MEGF11: variants seen among roughly 807,000 people sequenced by gnomAD.
MEGF11 encodes the protein multiple epidermal growth factor-like domains protein 11.
In MEGF11, 126 loss-of-function variants were observed where a neutral mutation model predicts 146.6. The observed-to-expected ratio is 0.86, with a 90% CI of 0.74 to 1.00. MEGF11 has a LOEUF of 1.00. Ranked by LOEUF, MEGF11 falls within the 50% of genes least tolerant of loss-of-function variation. The probability of loss-of-function intolerance (pLI) is 0.00; values close to 1 mark genes in which losing one functional copy is unlikely to be tolerated. For synonymous variants in MEGF11, 532 were observed against 583.4 expected (o/e 0.91, Z 1.27); for missense variants, 1,509 against 1,521.2 (o/e 0.99, Z 0.13).
At chr15:66,046,616 G>C (rs1445681460) in intron 5 of MEGF11, among the ~76,000 whole-genome samples, 1 of 152,212 alleles carries the variant, frequency 6.6e-6, no homozygotes, top group East Asian at 1.9e-4. Flanking sequence ...GAGTGCCGGG[G>C]CCAAGGGGGC....
intron 5 of MEGF11, among the ~76,000 whole-genome samples, chr15:66,012,803 C>T (rs777589686): frequency 5.9e-5 from 9 of 152,226 alleles, no homozygotes; most frequent in East Asian, 1.9e-4. Context: ...CAGGCAGCAG[C>T]GCTTCCCCTA....
intron 5 of MEGF11, among the ~76,000 whole-genome samples, chr15:66,038,400 A>G (rs1228346374): frequency 6.6e-6 from 1 of 152,054 alleles, no homozygotes; most frequent in East Asian, 1.9e-4. Context: ...AAATCGAGGG[A>G]TGGTTAAGGG....
intron 1 of MEGF11, among the ~76,000 whole-genome samples, chr15:66,153,782 G>T (rs910125358): frequency 1.3e-5 from 2 of 151,990 alleles, no homozygotes; most frequent in Non-Finnish European, 2.9e-5. Context: ...TCCAGCTTTG[G>T]GTCTGTCTTC....
At chr15:65,945,175 C>T (rs935477960) in intron 10 of MEGF11, among the ~76,000 whole-genome samples, 14 of 152,218 alleles carry the variant, frequency 9.2e-5, no homozygotes, top group Non-Finnish European at 1.9e-4. Flanking sequence ...GGATTGCAGG[C>T]GTGAGCCACC....
At chr15:66,051,932 G>C (rs1567219245) in intron 5 of MEGF11, among the ~76,000 whole-genome samples, 2 of 152,202 alleles carry the variant, frequency 1.3e-5, no homozygotes, top group African/African-American at 4.8e-5. Flanking sequence ...CATGTTTGCT[G>C]TTTTTTCAGC....
At chr15:66,209,166 C>T (rs796807345) in intron 1 of MEGF11, among the ~76,000 whole-genome samples, 9 of 151,976 alleles carry the variant, frequency 5.9e-5, no homozygotes, top group African/African-American at 1.4e-4. Context: ...CTGGCTAACA[C>T]GGTGAAACCC....
intron 5 of MEGF11, among the ~76,000 whole-genome samples, chr15:66,091,627 A>G (rs1379620386): frequency 2.0e-5 from 3 of 152,220 alleles, no homozygotes; most frequent in African/African-American, 7.2e-5. Flanking sequence ...GGGATAAATA[A>G]CAATTCCCAT....
At chr15:66,040,790 G>C (rs565145266) in intron 5 of MEGF11, among the ~76,000 whole-genome samples, 10 of 152,272 alleles carry the variant, frequency 6.6e-5, no homozygotes, top group African/African-American at 2.2e-4. Context: ...CCAGGGAACA[G>C]GAACACCATG....
chr15:65,963,645 C>T (rs954218601), intron 9 of MEGF11, among the ~76,000 whole-genome samples: 18 of 152,306 alleles, frequency 1.2e-4, no homozygotes, highest in Non-Finnish European at 2.2e-4. Context: ...GCCCTGTGGG[C>T]GCTCAGTGTT....
intron 5 of MEGF11, among the ~76,000 whole-genome samples, chr15:66,046,678 T>C (rs1165113748): frequency 6.6e-6 from 1 of 152,188 alleles, no homozygotes; most frequent in Admixed American, 6.5e-5. Flanking sequence ...GCAGACACCG[T>C]GCCCACTTCT....
At chr15:66,000,661 A>G in intron 5 of MEGF11, among the ~76,000 whole-genome samples, 1 of 152,232 alleles carries the variant, frequency 6.6e-6, no homozygotes, top group East Asian at 1.9e-4. Context: ...TTGTTGATTC[A>G]GTGAATAATT....
At chr15:65,974,125 A>C (rs1596937761) in intron 7 of MEGF11, among the ~76,000 whole-genome samples, 1 of 152,216 alleles carries the variant, frequency 6.6e-6, no homozygotes, top group East Asian at 1.9e-4. Context: ...ATAATCACCA[A>C]CCCTGCAGAA....
At chr15:65,945,494 G>C (rs2080156417) in intron 10 of MEGF11, among the ~76,000 whole-genome samples, 1 of 152,180 alleles carries the variant, frequency 6.6e-6, no homozygotes, top group African/African-American at 2.4e-5. Context: ...CTCAGCCCTG[G>C]GCTGGGGAGT....
At chr15:65,904,501 G>A (rs185468901) in intron 24 of MEGF11, among the ~76,000 whole-genome samples, 33 of 152,244 alleles carry the variant, frequency 2.2e-4, no homozygotes, top group Admixed American at 6.5e-4. Flanking sequence ...CAGCCTTATC[G>A]CTGTCTTGTT....
At chr15:66,160,768 T>C (rs764681740) in intron 1 of MEGF11, among the ~76,000 whole-genome samples, 38 of 151,794 alleles carry the variant, frequency 2.5e-4, no homozygotes, top group Non-Finnish European at 4.7e-4. Context: ...AAGAGGTGAT[T>C]AAGAACATAA....
chr15:65,964,215 A>G (rs2080973947), intron 9 of MEGF11, among the ~76,000 whole-genome samples: 1 of 152,196 alleles, frequency 6.6e-6, no homozygotes, highest in Non-Finnish European at 1.5e-5. Flanking sequence ...CTGCCTTCAC[A>G]GGTTCAGGCT....
intron 1 of MEGF11, among the ~76,000 whole-genome samples, chr15:66,145,536 AC>A (rs947836308): frequency 6.6e-6 from 1 of 152,138 alleles, no homozygotes; most frequent in Non-Finnish European, 1.5e-5. Context: ...AGGTGCATAG[AC>A]TAGGACCTGG....
intron 1 of MEGF11, among the ~76,000 whole-genome samples, chr15:66,135,762 C>T (rs2088860484): frequency 6.6e-6 from 1 of 152,204 alleles, no homozygotes; most frequent in Non-Finnish European, 1.5e-5. Flanking sequence ...CCTGTAGGGG[C>T]TCAGAGAGCC....
In MEGF11 at chr15:65,985,618, C is replaced by G. The variant is rs16949209; in HGVS notation, c.395-3130G>C. ...AGCCAAAACCCAGTAGGAAGCAAAA[C>G]TAGCCGCCTGATAAGGAAGCCAGAA... is the stretch of plus-strand genomic sequence containing the variant. On this transcript the variant is annotated intron_variant, in intron 5 of 25. Coordinates refer to ENST00000395614, the MANE Select transcript of MEGF11 (RefSeq NM_001385028.1). Among the ~76,000 whole-genome samples the G allele has an allele frequency of 1.7e-3, 252 of 152,278 alleles. 10 individuals are homozygous for G. The East Asian group carries it at 0.04, about 24-fold the overall frequency.
Sources: allele counts gnomAD v4.1 joint callset (sites outside exome capture counted in the v4.1 genomes callset), GRCh38; gene constraint gnomAD v4.1.1; transcripts MANE v1.5; gene names NCBI Gene and HGNC (gene_info 2026-07-23, HGNC 2026-07-21).